The following KANSL1 variants were observed in gnomAD, a reference collection of about 807,000 sequenced individuals.
KANSL1 encodes KAT8 regulatory NSL complex subunit 1.
Under a neutral mutation model 103.6 loss-of-function variants are expected in KANSL1, and 22 were observed. The observed-to-expected ratio is 0.21, with a 90% CI of 0.15 to 0.30. KANSL1 has a LOEUF of 0.30. KANSL1 is among the 10% of genes least tolerant of loss of function. The pLI, the probability that KANSL1 is intolerant of heterozygous loss-of-function variation, is 1.00. For synonymous variants in KANSL1, 600 were observed against 527.6 expected (o/e 1.14, Z -1.88); for missense variants, 1,337 against 1,399.8 (o/e 0.96, Z 0.72).
At chr17:46,074,720 C>A (rs117325413) in intron 4 of KANSL1, among the ~76,000 whole-genome samples, 2 of 151,140 alleles carry the variant, frequency 1.3e-5, no homozygotes, top group South Asian at 2.1e-4. Context: ...GTGGTGATTG[C>A]GACACTGCAC....
chr17:46,124,281 T>G (rs114479171), intron 2 of KANSL1, among the ~76,000 whole-genome samples: 1,574 of 152,322 alleles, frequency 0.01, 25 homozygotes, highest in African/African-American at 0.034. Flanking sequence ...CTGCCTATGC[T>G]CTATAAATGA....
At chr17:46,035,126 T>C (rs1031191738) in intron 10 of KANSL1, 1 of 152,244 alleles carries the variant, frequency 6.6e-6, no homozygotes, top group African/African-American at 2.4e-5. Context: ...AGAAGTCTAC[T>C]AGCTGCTGCT....
intron 3 of KANSL1, among the ~76,000 whole-genome samples, chr17:46,085,413 T>C (rs933516057): frequency 2.6e-4 from 39 of 152,374 alleles, no homozygotes; most frequent in African/African-American, 8.7e-4. Flanking sequence ...GATTGTATCT[T>C]ACTTTCTGTG....
At chr17:46,218,313 C>G (rs2048403768) in intron 1 of KANSL1, among the ~76,000 whole-genome samples, 1 of 152,238 alleles carries the variant, frequency 6.6e-6, no homozygotes, top group Non-Finnish European at 1.5e-5. Flanking sequence ...TCTAAACACT[C>G]TGCGTGAATA....
At position 46,193,347 on chromosome 17, in the gene KANSL1, TGGCGGCGGTGGC is replaced by T. The variant is rs1555588125; in HGVS notation, c.-626_-615del. ...GTTCTCCCGCCGGCTCGGCGAGCGGTGGCGGCGGTGGCGGCGGCACTGGGAAAATGGCGGCCG... is the reference window on the plus strand; with the variant it reads ...GTTCTCCCGCCGGCTCGGCGAGCGGTGGCGGCACTGGGAAAATGGCGGCCG... On this transcript the variant is annotated 5_prime_UTR_variant, in exon 1 of 15. Transcript: ENST00000432791. 1 of 119,402 alleles carries T rather than the reference TGGCGGCGGTGGC, an allele frequency of 8.4e-6. No individual in the cohort carries two copies. Among genetic ancestry groups the T allele is most frequent in the Non-Finnish European group, 2.1e-5 (1 of 47,414 alleles). 7.4% of individuals were successfully genotyped at this position (119,402 alleles called of 1,614,324 possible). A position where few individuals can be genotyped will look rare whatever the true frequency, so the allele number is the denominator to read the frequency against.
At chr17:46,215,683 C>A (rs978210794) in intron 1 of KANSL1, among the ~76,000 whole-genome samples, 1 of 152,204 alleles carries the variant, frequency 6.6e-6, no homozygotes, top group Non-Finnish European at 1.5e-5. Context: ...GTGACACTAC[C>A]GCTCACTAAG....
upstream of KANSL1, among the ~76,000 whole-genome samples, chr17:46,196,965 T>C (rs1173611265): frequency 6.6e-6 from 1 of 151,854 alleles, no homozygotes; most frequent in Non-Finnish European, 1.5e-5. Context: ...AATAAAAAAA[T>C]TTAGCCGGGG....
intron 14 of KANSL1, 45 bp downstream of exon 14, chr17:46,032,002 C>T: frequency 6.2e-7 from 1 of 1,612,248 alleles, no homozygotes; most frequent in Non-Finnish European, 8.5e-7. Context: ...TTCCTGGTTC[C>T]ATCCCCCAAC....
intron 1 of KANSL1, chr17:46,222,064 G>T (rs936621132): frequency 4.1e-5 from 6 of 146,586 alleles, no homozygotes; most frequent in African/African-American, 1.5e-4. Flanking sequence ...ACACTTAGAA[G>T]ATGTTTCCCA....
At chr17:46,191,241 C>A (rs1435708793) in intron 1 of KANSL1, among the ~76,000 whole-genome samples, 1 of 152,198 alleles carries the variant, frequency 6.6e-6, no homozygotes, top group Admixed American at 6.5e-5. Flanking sequence ...TAGATCAACA[C>A]CGAAATGCTA....
At chr17:46,211,707 T>C (rs1051235072) in intron 1 of KANSL1, among the ~76,000 whole-genome samples, 1 of 152,248 alleles carries the variant, frequency 6.6e-6, no homozygotes, top group Admixed American at 6.5e-5. Context: ...AAAGGGGCAA[T>C]GTGATCAAAA....
intron 2 of KANSL1, among the ~76,000 whole-genome samples, chr17:46,166,213 C>A (rs1442090413): frequency 4.4e-3 from 421 of 94,840 alleles, no homozygotes; most frequent in Middle Eastern, 0.014. Flanking sequence ...GACTCTGTCT[C>A]AAAAAAAAAA....
chr17:46,079,458 C>T (rs1459297986), intron 4 of KANSL1, among the ~76,000 whole-genome samples: 2 of 152,184 alleles, frequency 1.3e-5, no homozygotes, highest in Non-Finnish European at 2.9e-5. Context: ...AGAAGTCTTA[C>T]TGGATGTTTA....
chr17:46,094,943 C>G (rs1427057599), intron 2 of KANSL1, among the ~76,000 whole-genome samples: 3 of 152,192 alleles, frequency 2.0e-5, no homozygotes, highest in Non-Finnish European at 4.4e-5. Context: ...CTGTGGCACA[C>G]AGTTTCTCTG....
intron 2 of KANSL1, among the ~76,000 whole-genome samples, chr17:46,111,668 G>A (rs987817798): frequency 6.6e-6 from 1 of 152,202 alleles, no homozygotes; most frequent in Non-Finnish European, 1.5e-5. Context: ...ACATGGCAAC[G>A]TAATATGCAA....
At chr17:46,091,789 T>G (rs1415609824) in intron 3 of KANSL1, among the ~76,000 whole-genome samples, 1 of 129,302 alleles carries the variant, frequency 7.7e-6, no homozygotes, top group Admixed American at 8.2e-5. Context: ...TCAGCTTGTA[T>G]GTATTAAGTA....
intron 4 of KANSL1, 48 bp from the exon 5 acceptor site, chr17:46,067,715 C>T (rs747327621): frequency 2.1e-6 from 2 of 964,566 alleles, no homozygotes; most frequent in Non-Finnish European, 3.3e-6. Context: ...CCAAGCGCAC[C>T]CCTGCCTGAA....
At chr17:46,167,903 C>T (rs2046085164) in intron 2 of KANSL1, among the ~76,000 whole-genome samples, 1 of 152,240 alleles carries the variant, frequency 6.6e-6, no homozygotes, top group Admixed American at 6.5e-5. Flanking sequence ...ATTATAATTT[C>T]CACAGAACTA....
intron 2 of KANSL1, among the ~76,000 whole-genome samples, chr17:46,120,629 A>G (rs1468243738): frequency 6.6e-6 from 1 of 152,236 alleles, no homozygotes; most frequent in East Asian, 1.9e-4. Context: ...TTAAATTAAT[A>G]GACTATATTT....
Sources: allele counts gnomAD v4.1 joint callset (sites outside exome capture counted in the v4.1 genomes callset), GRCh38; gene constraint gnomAD v4.1.1; transcripts MANE v1.5; gene names NCBI Gene and HGNC (gene_info 2026-07-23, HGNC 2026-07-21).